The following CSMD1 variants were observed in gnomAD, a reference collection of about 807,000 sequenced individuals.
The protein encoded by CSMD1 is CUB and Sushi multiple domains 1, also known as CUB and sushi domain-containing protein 1.
A neutral mutation model predicts 417.5 loss-of-function variants in CSMD1; 213 were observed. That is an observed-to-expected ratio of 0.51 (90% CI 0.46 to 0.57). The LOEUF (loss-of-function observed/expected upper bound fraction) is 0.57, where lower values mean the gene tolerates loss of function less well. Ranked by LOEUF, CSMD1 falls within the 20% of genes least tolerant of loss-of-function variation. The probability of loss-of-function intolerance (pLI) is 0.00; values close to 1 mark genes in which losing one functional copy is unlikely to be tolerated. For synonymous variants in CSMD1, 2,862 were observed against 1,736.8 expected (o/e 1.65, Z -16.11); for missense variants, 6,923 against 4,529.7 (o/e 1.53, Z -15.17).
At chr8:3,304,298 T>C (rs568873298) in intron 25 of CSMD1, among the ~76,000 whole-genome samples, 4 of 152,288 alleles carry the variant, frequency 2.6e-5, no homozygotes, top group East Asian at 1.9e-4. Flanking sequence ...TATGTTACCA[T>C]TGAAATAAAT....
At chr8:4,714,059 C>T (rs1252452432) in intron 1 of CSMD1, among the ~76,000 whole-genome samples, 1 of 151,998 alleles carries the variant, frequency 6.6e-6, no homozygotes, top group African/African-American at 2.4e-5. Flanking sequence ...GCAGGAGGAT[C>T]ACCTGAACCC....
intron 12 of CSMD1, among the ~76,000 whole-genome samples, chr8:3,456,071 G>A (rs1036685013): frequency 6.6e-6 from 1 of 152,182 alleles, no homozygotes; most frequent in African/African-American, 2.4e-5. Flanking sequence ...TGCTGTCTCA[G>A]CAATGAGCAA....
intron 3 of CSMD1, among the ~76,000 whole-genome samples, chr8:4,356,711 C>T (rs1420904066): frequency 6.6e-6 from 1 of 152,088 alleles, no homozygotes; most frequent in Non-Finnish European, 1.5e-5. Flanking sequence ...TCACCGTGCT[C>T]TCCAATGGAG....
chr8:2,962,568 C>T lies in CSMD1; in HGVS notation c.9526G>A (p.Glu3176Lys), dbSNP rs184090049. ...LSGKSFTYKS[E>K]VFFQCKSPFI... is the part of the protein sequence containing the mutation. ...GGAGATTTGCACTGGAAGAAGACTT[C>T]GGACTTATAGGTGAAACTTTTCCCA... Residue 3176 changes from glutamate (E) to lysine (K), a missense_variant, in exon 61 of 70, where the codon GAA (glutamate) becomes AAA (lysine). Physicochemically the swap from Glu to Lys is moderately conservative, Grantham distance 56. Transcript: ENST00000635120. 1.4e-5 allele frequency: 23 copies of T among 1,613,846 alleles called. No individual in the cohort carries two copies. Among genetic ancestry groups the T allele is most frequent in the Middle Eastern group, 1.6e-4 (1 of 6,062 alleles).
chr8:3,493,789 T>C (rs1290585569), intron 10 of CSMD1, 63 bp from the exon 11 acceptor site: 23 of 1,345,022 alleles, frequency 1.7e-5, no homozygotes, highest in African/African-American at 2.9e-5. Context: ...TTTTAATAGG[T>C]ATTGCAAATA....
At chr8:3,349,006 G>C (rs1262060076) in intron 21 of CSMD1, among the ~76,000 whole-genome samples, 2 of 152,146 alleles carry the variant, frequency 1.3e-5, no homozygotes, top group East Asian at 1.9e-4. Context: ...ACACACAGAG[G>C]TTTGTCTGTG....
chr8:3,182,733 C>G (rs1821441414), intron 36 of CSMD1, among the ~76,000 whole-genome samples: 4 of 120,762 alleles, frequency 3.3e-5, no homozygotes, highest in Admixed American at 2.7e-4. Context: ...CTCTGGCTGT[C>G]TCTTTATAAG....
intron 3 of CSMD1, among the ~76,000 whole-genome samples, chr8:4,203,915 A>G (rs543069879): frequency 1.3e-4 from 20 of 152,200 alleles, no homozygotes; most frequent in African/African-American, 4.8e-4. Context: ...AGCCTGGGAA[A>G]TATGGCGAAA....
chr8:3,103,083 T>C (rs1229171500), intron 46 of CSMD1, among the ~76,000 whole-genome samples: 1 of 152,176 alleles, frequency 6.6e-6, no homozygotes, highest in African/African-American at 2.4e-5. Flanking sequence ...CAGAGGAAGG[T>C]CTTCAGCACT....
At position 4,180,665 on chromosome 8, in the gene CSMD1, C is replaced by T. The variant is rs185121269; in HGVS notation, c.416-148566G>A. The stretch of plus-strand genomic sequence containing the variant: ...AGAAGTTCTAATCCTGCCCTGCCAG[C>T]ACTGGCCATATGAAAGGCAAGGTAG... On this transcript the variant is annotated intron_variant, in intron 3 of 69. Coordinates refer to ENST00000635120, the MANE Select transcript of CSMD1 (RefSeq NM_033225.6). Among the ~76,000 whole-genome samples, 16 of 152,262 alleles carry T rather than the reference C, an allele frequency of 1.1e-4. No homozygotes were observed. In the East Asian group the frequency reaches 2.9e-3, roughly 28 times the overall value.
intron 2 of CSMD1, among the ~76,000 whole-genome samples, chr8:4,627,064 C>G (rs1212459560): frequency 6.6e-6 from 1 of 152,206 alleles, no homozygotes; most frequent in African/African-American, 2.4e-5. Flanking sequence ...AAGTGAATAA[C>G]TCACATATTT....
At chr8:3,865,711 A>G (rs1805046859) in intron 5 of CSMD1, among the ~76,000 whole-genome samples, 1 of 152,184 alleles carries the variant, frequency 6.6e-6, no homozygotes, top group African/African-American at 2.4e-5. Flanking sequence ...AGTAAATACA[A>G]CAACAAAATC....
intron 7 of CSMD1, among the ~76,000 whole-genome samples, chr8:3,639,365 A>G (rs1259533721): frequency 6.6e-6 from 1 of 152,242 alleles, no homozygotes; most frequent in Non-Finnish European, 1.5e-5. Context: ...AAAAGAGAGA[A>G]TGAAAGTGAA....
chr8:3,542,535 G>C (rs1197819586), intron 10 of CSMD1, among the ~76,000 whole-genome samples: 1 of 152,178 alleles, frequency 6.6e-6, no homozygotes, highest in African/African-American at 2.4e-5. Flanking sequence ...TGCTGGCAGG[G>C]ACTGGGAAGG....
At chr8:4,834,313 A>C (rs1484763081) in intron 1 of CSMD1, among the ~76,000 whole-genome samples, 1 of 152,234 alleles carries the variant, frequency 6.6e-6, no homozygotes, top group Non-Finnish European at 1.5e-5. Flanking sequence ...TACTGGGAAC[A>C]GAAAAACAGG....
At chr8:3,253,656 G>T (rs1039894587) in intron 26 of CSMD1, among the ~76,000 whole-genome samples, 7 of 151,988 alleles carry the variant, frequency 4.6e-5, no homozygotes, top group Non-Finnish European at 8.8e-5. Context: ...ATTATTGTGT[G>T]GGAGTCTAAG....
At position 3,485,561 on chromosome 8, in the gene CSMD1, A is replaced by AGAGAGAGAGG. The variant is rs1817981615; in HGVS notation, c.1448+8061_1448+8062insCCTCTCTCTC. 4.8e-5 allele frequency among the ~76,000 whole-genome samples: 7 copies of AGAGAGAGAGG among 147,128 alleles called. No homozygotes were observed. In the South Asian group the frequency reaches 1.5e-3, roughly 31 times the overall value. On this transcript the variant is annotated intron_variant, in intron 11 of 69. Transcript: ENST00000635120. ...CACAGAGAGAGAGAGAGAGAGAGAG[A>AGAGAGAGAGG]GAGGGAGAGAGAGAAACACAAATGA...
In CSMD1 at chr8:2,955,700, C is replaced by A; in HGVS notation, c.9883G>T (p.Gly3295Cys). 1.2e-6 allele frequency: 2 copies of A among 1,613,770 alleles called. No individual in the cohort carries two copies. The highest frequency in any genetic ancestry group is 1.7e-6 in the Non-Finnish European group (2 of 1,179,792). ...DVRAIDLPTF[G>C]YTLVYTCHPG... ...TGGCAGGTGTACACTAAGGTGTAGC[C>A]GAAAGTAGGAAGATCGATGGCTCTC... is the stretch of plus-strand genomic sequence containing the variant. Residue 3295 changes from glycine (G) to cysteine (C), a missense_variant, in exon 64 of 70, where the codon GGC becomes TGC. Physicochemically the swap from Gly to Cys is radical, Grantham distance 159 (BLOSUM62 -3). Coordinates refer to ENST00000635120, the MANE Select transcript of CSMD1 (RefSeq NM_033225.6).
intron 3 of CSMD1, among the ~76,000 whole-genome samples, chr8:4,080,591 A>G (rs371286576): frequency 6.6e-6 from 1 of 152,186 alleles, no homozygotes; most frequent in African/African-American, 2.4e-5. Flanking sequence ...GTATGATGTC[A>G]TAGTTTTTAT....
Sources: gnomAD v4.1 joint callset for allele counts (sites outside exome capture counted in the v4.1 genomes callset) on GRCh38, gnomAD v4.1.1 for gene constraint, MANE v1.5 for transcripts, NCBI Gene and HGNC (gene_info 2026-07-23, HGNC 2026-07-21) for gene names.